Variants in TDRD1 observed in about 807,000 individuals in gnomAD.
TDRD1 encodes the protein tudor domain-containing protein 1.
TDRD1 carries 37 observed loss-of-function variants against 140.6 expected under a neutral mutation model. That is an observed-to-expected ratio of 0.26 (90% CI 0.20 to 0.35). The LOEUF (loss-of-function observed/expected upper bound fraction) is 0.35, where lower values mean the gene tolerates loss of function less well. Ranked by LOEUF, TDRD1 falls within the 10% of genes least tolerant of loss-of-function variation. The probability of loss-of-function intolerance (pLI) is 1.00; values close to 1 mark genes in which losing one functional copy is unlikely to be tolerated. For synonymous variants in TDRD1, 506 were observed against 475.7 expected (o/e 1.06, Z -0.83); for missense variants, 1,243 against 1,393.0 (o/e 0.89, Z 1.71).
At chr10:114,176,244 C>T (rs1290834264), upstream of TDRD1, among the ~76,000 whole-genome samples, 2 of 151,566 alleles carry the variant, frequency 1.3e-5, no homozygotes, top group Admixed American at 6.6e-5. This position sits in a 1 kb window ranked among gnomAD's most constrained non-coding sequence, Gnocchi z 4.2. Context: ...CACAACACCA[C>T]CTGTGAAGTA....
At chr10:114,212,732 T>A (rs370844056) in intron 14 of TDRD1, among the ~76,000 whole-genome samples, 7 of 152,338 alleles carry the variant, frequency 4.6e-5, no homozygotes, top group African/African-American at 1.7e-4. Context: ...GACCAGTACT[T>A]CTTCAGAGAT....
At chr10:114,215,963 T>G (rs2035790894) in intron 16 of TDRD1, among the ~76,000 whole-genome samples, 1 of 152,146 alleles carries the variant, frequency 6.6e-6, no homozygotes, top group South Asian at 2.1e-4. Flanking sequence ...GGTAAGTAAT[T>G]TTTGCATTTT....
At chr10:114,230,193 G>C (rs544615435) in intron 25 of TDRD1, among the ~76,000 whole-genome samples, 2 of 152,232 alleles carry the variant, frequency 1.3e-5, no homozygotes, top group South Asian at 4.1e-4. Flanking sequence ...CTGTGTAACA[G>C]GCATTTTTCC....
chr10:114,208,883 C>T (rs1396515868), intron 11 of TDRD1, among the ~76,000 whole-genome samples: 1 of 151,784 alleles, frequency 6.6e-6, no homozygotes, highest in African/African-American at 2.4e-5. Flanking sequence ...AAGTGATTCT[C>T]CTGCTTCAGC....
At chr10:114,212,090 C>A in intron 14 of TDRD1, 54 bp downstream of exon 14, 1 of 1,485,804 alleles carries the variant, frequency 6.7e-7, no homozygotes, top group Non-Finnish European at 9.0e-7. Flanking sequence ...GATGAAGAAA[C>A]ATGAAAAGAT....
chr10:114,176,559 C>G (rs1043252899), upstream of TDRD1, among the ~76,000 whole-genome samples: 1 of 152,064 alleles, frequency 6.6e-6, no homozygotes, highest in African/African-American at 2.4e-5. The surrounding 1 kb of genome is among the most constrained non-coding windows in gnomAD (Gnocchi z 4.2). Context: ...GATCCCATCT[C>G]TAAAAAGAAA....
At chr10:114,183,584 A>G (rs895686157) in intron 1 of TDRD1, among the ~76,000 whole-genome samples, 9 of 152,062 alleles carry the variant, frequency 5.9e-5, no homozygotes, top group African/African-American at 2.2e-4. Flanking sequence ...TATTGAATAT[A>G]CAGGTTTTTT....
rs553480081 is a variant in TDRD1, at chr10:114,209,790, A to G, written c.1385-791A>G. On this transcript the variant is annotated intron_variant, in intron 11 of 25. Transcript: ENST00000251864. ...ATTTCCTTTAATAAGTCTATAATCT[A>G]GATAATTATTTTCTTATATTTCTGT... Among the ~76,000 whole-genome samples, 4 of 152,322 alleles carry G rather than the reference A, an allele frequency of 2.6e-5. No homozygotes were observed. The East Asian group carries it at 5.8e-4, about 22-fold the overall frequency.
upstream of TDRD1, among the ~76,000 whole-genome samples, chr10:114,176,265 G>C (rs2032694793): frequency 6.6e-6 from 1 of 151,568 alleles, no homozygotes; most frequent in African/African-American, 2.4e-5. The surrounding 1 kb of genome is among the most constrained non-coding windows in gnomAD (Gnocchi z 4.2). Flanking sequence ...TTCCTGCCGG[G>C]GGATGCAATC....
intron 21 of TDRD1, among the ~76,000 whole-genome samples, chr10:114,224,405 A>G (rs924850677): frequency 1.3e-5 from 2 of 152,092 alleles, no homozygotes; most frequent in South Asian, 2.1e-4. Flanking sequence ...TTCTTTTTCT[A>G]CCGTTTTGCT....
chr10:114,201,249 T>C (rs2034721533), intron 4 of TDRD1, among the ~76,000 whole-genome samples, 161 bp from the exon 5 acceptor site: 1 of 152,170 alleles, frequency 6.6e-6, no homozygotes, highest in Non-Finnish European at 1.5e-5. Flanking sequence ...TTTGTAGTCA[T>C]TTCTTCTCTG....
intron 12 of TDRD1, 33 bp from the exon 13 acceptor site, chr10:114,210,827 C>A (rs748877919): frequency 7.4e-6 from 12 of 1,611,942 alleles, no homozygotes; most frequent in Non-Finnish European, 1.0e-5. Context: ...TGTATAGATA[C>A]GTATTTCTTT....
chr10:114,227,510 C>A (rs944103227), intron 23 of TDRD1, among the ~76,000 whole-genome samples: 2 of 152,202 alleles, frequency 1.3e-5, no homozygotes, highest in African/African-American at 4.8e-5. Flanking sequence ...TTAGATCAGA[C>A]TTGTCAGCAC....
chr10:114,212,321 T>C (rs939341475), intron 14 of TDRD1, among the ~76,000 whole-genome samples: 1 of 152,186 alleles, frequency 6.6e-6, no homozygotes, highest in Non-Finnish European at 1.5e-5. Context: ...TTGCAAGATA[T>C]AGTTATATCC....
intron 16 of TDRD1, among the ~76,000 whole-genome samples, chr10:114,215,079 C>T (rs961506092): frequency 3.3e-5 from 5 of 152,112 alleles, no homozygotes; most frequent in Non-Finnish European, 7.3e-5. Context: ...ATCTTGCTTT[C>T]TAATAGCATA....
chr10:114,178,595 C>T (rs1332659068), upstream of TDRD1, among the ~76,000 whole-genome samples: 1 of 152,138 alleles, frequency 6.6e-6, no homozygotes. Context: ...TTCTGGAGGG[C>T]TGAGATGTTA....
intron 11 of TDRD1, among the ~76,000 whole-genome samples, chr10:114,208,706 A>G (rs2035285885): frequency 6.6e-6 from 1 of 152,176 alleles, no homozygotes; most frequent in Admixed American, 6.5e-5. Context: ...CTTTTACTTA[A>G]CTACTTCTTA....
At chr10:114,212,982 G>T (rs1051857053) in intron 14 of TDRD1, among the ~76,000 whole-genome samples, 4 of 152,136 alleles carry the variant, frequency 2.6e-5, no homozygotes, top group Non-Finnish European at 5.9e-5. Context: ...TTCTGGCTCT[G>T]TAGATTTGTG....
At position 114,188,310 on chromosome 10, in the gene TDRD1, A is replaced by G. The variant is rs1334022482; in HGVS notation, c.325+154A>G. Among the ~76,000 whole-genome samples, 3 of 152,204 alleles carry G rather than the reference A, an allele frequency of 2.0e-5. No individual in the cohort carries two copies. The East Asian group carries it at 5.8e-4, about 29-fold the overall frequency. ...TTTCATTATTAATTTAGAAGGAAAA[A>G]CCAGATACCAAGTGGCTACCTTTGG... On this transcript the variant is annotated intron_variant, in intron 2 of 25. Coordinates refer to ENST00000251864, the Ensembl canonical transcript of TDRD1.
Sources: gnomAD v4.1 joint callset for allele counts (sites outside exome capture counted in the v4.1 genomes callset) on GRCh38, gnomAD v4.1.1 for gene constraint, Gnocchi (gnomAD v3.1) non-coding constraint, MANE v1.5 for transcripts, NCBI Gene and HGNC (gene_info 2026-07-23, HGNC 2026-07-21) for gene names.